POLR3E: variants seen among roughly 807,000 people sequenced by gnomAD.
The protein encoded by POLR3E is DNA-directed RNA polymerase III subunit RPC5.
A neutral mutation model predicts 96.6 loss-of-function variants in POLR3E; 41 were observed. The ratio of observed to expected loss-of-function variants is 0.42; its 90% CI spans 0.33 to 0.55. The LOEUF (loss-of-function observed/expected upper bound fraction) is 0.55. Ranked by LOEUF, POLR3E falls within the 20% of genes least tolerant of loss-of-function variation. The pLI, the probability that POLR3E is intolerant of heterozygous loss-of-function variation, is 0.06. For synonymous variants in POLR3E, 396 were observed against 383.6 expected (o/e 1.03, Z -0.38); for missense variants, 849 against 952.1 (o/e 0.89, Z 1.43).
intron 18 of POLR3E, 109 bp from the exon 19 acceptor site, chr16:22,328,401 G>A: frequency 1.1e-6 from 1 of 900,540 alleles, no homozygotes; most frequent in South Asian, 1.4e-5. Flanking sequence ...AGCTGGGATT[G>A]GAACCCATGT....
intron 3 of POLR3E, among the ~76,000 whole-genome samples, chr16:22,307,837 C>T (rs751080875): frequency 6.6e-6 from 1 of 152,174 alleles, no homozygotes; most frequent in Non-Finnish European, 1.5e-5. Flanking sequence ...CTCCCATGGC[C>T]GTGCTCTGTG....
At chr16:22,315,583 G>T (rs1390492681) in intron 9 of POLR3E, among the ~76,000 whole-genome samples, 1 of 152,228 alleles carries the variant, frequency 6.6e-6, no homozygotes, top group Non-Finnish European at 1.5e-5. Flanking sequence ...CCACCCCAGA[G>T]TTCCCAGCAC....
chr16:22,334,410 G>A lies in POLR3E; in HGVS notation c.*710G>A, dbSNP rs1010834272. 9 of 152,132 alleles carry A rather than the reference G, an allele frequency of 5.9e-5. No homozygotes were observed. Among genetic ancestry groups the A allele is most frequent in the African/African-American group, 2.2e-4 (9 of 41,422 alleles). 9.4% of individuals were successfully genotyped at this position (152,132 alleles called of 1,614,324 possible). ...TTTGATGTAAAAATTTCTATTTTGT[G>A]TATTTTTAAAATAAATGCAAACACT... On this transcript the variant is annotated 3_prime_UTR_variant, in exon 21 of 21. Transcript: ENST00000299853.
chr16:22,331,139 T>C (rs934757544), intron 19 of POLR3E, among the ~76,000 whole-genome samples: 1 of 151,638 alleles, frequency 6.6e-6, no homozygotes, highest in Non-Finnish European at 1.5e-5. Context: ...CCACCACGCG[T>C]GGCTGATTTT....
chr16:22,306,907 C>T (rs530490117), intron 3 of POLR3E, among the ~76,000 whole-genome samples: 65 of 152,342 alleles, frequency 4.3e-4, no homozygotes, highest in East Asian at 1.5e-3. Flanking sequence ...GGGCATGCCA[C>T]AGCAGCAATG....
chr16:22,317,370 C>T (rs1456085731), intron 12 of POLR3E, among the ~76,000 whole-genome samples, 164 bp downstream of exon 12: 4 of 152,218 alleles, frequency 2.6e-5, no homozygotes, highest in South Asian at 2.1e-4. Flanking sequence ...TAACGCAGGA[C>T]GGCAGTGCGG....
In POLR3E at chr16:22,309,736, C is replaced by T. The variant is rs1235672030; in HGVS notation, c.364+226C>T. ...CACTGCCTGACCAGATGGGGTGGGG[C>T]TCCAAGTTCATTTGTCCTCCCGGGA... On this transcript the variant is annotated intron_variant, in intron 6 of 20. Coordinates refer to ENST00000299853, the MANE Select transcript of POLR3E (RefSeq NM_018119.4). 5.2e-6 allele frequency: 3 copies of T among 581,538 alleles called. No homozygotes were observed. The African/African-American group carries it at 5.6e-5, about 11-fold the overall frequency. The allele number at this position is 581,538 out of a possible 1,614,324, so 36.0% of individuals were successfully genotyped here. A position where few individuals can be genotyped will look rare whatever the true frequency, so the allele number is the denominator to read the frequency against.
intron 14 of POLR3E, 33 bp from the exon 15 acceptor site, chr16:22,324,321 C>T (rs373750978): frequency 9.4e-5 from 150 of 1,595,300 alleles, no homozygotes; most frequent in South Asian, 1.9e-4. Context: ...AGTCCGTGGC[C>T]GCCCCTGGAA....
At chr16:22,330,287 G>A (rs2048710058) in intron 19 of POLR3E, among the ~76,000 whole-genome samples, 1 of 152,126 alleles carries the variant, frequency 6.6e-6, no homozygotes, top group South Asian at 2.1e-4. Flanking sequence ...GTCCCACCAT[G>A]TTGGCCAGGC....
intron 2 of POLR3E, among the ~76,000 whole-genome samples, chr16:22,303,284 C>A (rs2048065271): frequency 6.6e-6 from 1 of 152,146 alleles, no homozygotes; most frequent in Non-Finnish European, 1.5e-5. Flanking sequence ...CCTCTCTCTG[C>A]CCTTACCTTG....
intron 8 of POLR3E, 68 bp downstream of exon 8, chr16:22,314,196 G>A: frequency 7.8e-7 from 1 of 1,286,910 alleles, no homozygotes; most frequent in Admixed American, 1.8e-5. Context: ...CCAAGGGGTA[G>A]CGGGTCTTCA....
At chr16:22,301,928 A>G (rs1028507681) in intron 1 of POLR3E, among the ~76,000 whole-genome samples, 4 of 151,932 alleles carry the variant, frequency 2.6e-5, no homozygotes, top group African/African-American at 9.7e-5. Flanking sequence ...TCTCAAGAAA[A>G]AAAAAAAAAA....
chr16:22,333,780 T>C lies in POLR3E; in HGVS notation c.*80T>C. Reference sequence around the variant, plus strand: ...ACCAGAAGTAGGGCCTCGACTTGCTTCAGACGACACAGAGCAAGAGGAACT... The same window carrying C: ...ACCAGAAGTAGGGCCTCGACTTGCTCCAGACGACACAGAGCAAGAGGAACT... On this transcript the variant is annotated 3_prime_UTR_variant, in exon 21 of 21. Coordinates refer to ENST00000299853, the MANE Select transcript of POLR3E (RefSeq NM_018119.4). The C allele has an allele frequency of 1.1e-6, 1 of 945,724 alleles. No homozygotes were observed. The highest frequency in any genetic ancestry group is 1.6e-5 in the African/African-American group (1 of 62,224). The allele number at this position is 945,724 out of a possible 1,614,324, so 58.6% of individuals were successfully genotyped here.
intron 19 of POLR3E, among the ~76,000 whole-genome samples, chr16:22,329,833 T>G (rs1175795004): frequency 6.6e-6 from 1 of 152,106 alleles, no homozygotes. Flanking sequence ...CTCACTATGT[T>G]GGCCAGGCTA....
At position 22,303,639 on chromosome 16, in the gene POLR3E, C is replaced by CTTTTTTTTTTTTTTTTTTT. The variant is rs58949663; in HGVS notation, c.36+653_36+654insTTTTTTTTTTTTTTTTTTT. ...TACAGGCAGTGGGAGGCAGATTTCC[C>CTTTTTTTTTTTTTTTTTTT]TTTTTTTTTTTTTTTTTTGGAGACA... On this transcript the variant is annotated intron_variant, in intron 2 of 20. Coordinates refer to ENST00000299853, the MANE Select transcript of POLR3E (RefSeq NM_018119.4). Among the ~76,000 whole-genome samples the CTTTTTTTTTTTTTTTTTTT allele has an allele frequency of 7.1e-4, 81 of 114,218 alleles. 8 individuals carry two copies. The highest frequency in any genetic ancestry group is 3.4e-3 in the African/African-American group (71 of 20,794). 74.9% of individuals were successfully genotyped at this position (114,218 alleles called of 152,430 possible).
At chr16:22,315,257 A>G (rs1325134818) in intron 9 of POLR3E, 49 bp downstream of exon 9, 2 of 1,545,976 alleles carry the variant, frequency 1.3e-6, no homozygotes, top group Non-Finnish European at 8.8e-7. Flanking sequence ...GGTGCCCGGA[A>G]GGGTCATGGT....
At chr16:22,325,421 C>T (rs2048559772) in intron 17 of POLR3E, 155 bp downstream of exon 17, 46 of 690,708 alleles carry the variant, frequency 6.7e-5, no homozygotes, top group East Asian at 4.6e-4. Context: ...ACCCACAGAC[C>T]GCAGCTGGTC....
At chr16:22,309,557 G>C (rs553341807) in intron 6 of POLR3E, 47 bp downstream of exon 6, 23 of 1,339,350 alleles carry the variant, frequency 1.7e-5, no homozygotes, top group Middle Eastern at 3.6e-4. Context: ...CATTGGGGGG[G>C]GCTGGGCAGG....
chr16:22,328,363 A>G, intron 18 of POLR3E, 147 bp from the exon 19 acceptor site: 1 of 683,834 alleles, frequency 1.5e-6, no homozygotes, highest in South Asian at 1.7e-5. Flanking sequence ...GTGGCTGCCC[A>G]AGGCCCTCAG....
Sources: gnomAD v4.1 joint callset for allele counts (sites outside exome capture counted in the v4.1 genomes callset) on GRCh38, gnomAD v4.1.1 for gene constraint, MANE v1.5 for transcripts, NCBI Gene and HGNC (gene_info 2026-07-23, HGNC 2026-07-21) for gene names.